The following AMOTL1 variants were observed in gnomAD, a reference collection of about 807,000 sequenced individuals.
The protein encoded by AMOTL1 is angiomotin like 1, also known as angiomotin-like protein 1.
Under a neutral mutation model 102.9 loss-of-function variants are expected in AMOTL1, and 45 were observed. That is an observed-to-expected ratio of 0.44 (90% confidence interval 0.34 to 0.56). The LOEUF is 0.56. Among genes scored for constraint, AMOTL1 ranks in the 20% least tolerant of loss-of-function variants. The pLI is 0.01. For missense variants in AMOTL1, 1,114 were observed against 1,225.6 expected (o/e 0.91, Z 1.36); for synonymous variants, 481 against 484.7 (o/e 0.99, Z 0.10).
chr11:94,813,175 A>G (rs565661550), intron 3 of AMOTL1, among the ~76,000 whole-genome samples: 8 of 152,182 alleles, frequency 5.3e-5, no homozygotes, highest in Non-Finnish European at 1.0e-4. Flanking sequence ...CTGAATGCCA[A>G]CTCCTAACAG....
At position 94,802,451 on chromosome 11, in the gene AMOTL1, C is replaced by T. The variant is rs187984357; in HGVS notation, c.1121+2140C>T. ...TATTTGTAAAGTAATATGTACATAC[C>T]GTGCAATGCATACAGTGGATCACTT... is the stretch of plus-strand genomic sequence containing the variant. On this transcript the variant is annotated intron_variant, in intron 3 of 12. Transcript: ENST00000433060. 4.1e-4 allele frequency among the ~76,000 whole-genome samples: 63 copies of T among 152,280 alleles called. 1 individual carries two copies. In the Middle Eastern group the frequency reaches 0.01, roughly 25 times the overall value.
At chr11:94,778,332 AC>A (rs920082501) in intron 1 of AMOTL1, among the ~76,000 whole-genome samples, 13 of 152,206 alleles carry the variant, frequency 8.5e-5, no homozygotes, top group African/African-American at 3.1e-4. Context: ...TGGGAAGAGG[AC>A]CCTAATAGGC....
chr11:94,843,497 A>C (rs777484859), intron 6 of AMOTL1, among the ~76,000 whole-genome samples: 6 of 152,168 alleles, frequency 3.9e-5, no homozygotes, highest in Non-Finnish European at 7.3e-5. Flanking sequence ...TTCCACTCCC[A>C]CAACCTCAGA....
intron 11 of AMOTL1, among the ~76,000 whole-genome samples, chr11:94,866,963 G>C (rs914425574): frequency 1.3e-5 from 2 of 152,154 alleles, no homozygotes; most frequent in Non-Finnish European, 2.9e-5. Flanking sequence ...AGGGGAAGCA[G>C]GCAGCGTGCT....
intron 3 of AMOTL1, among the ~76,000 whole-genome samples, chr11:94,759,709 A>G (rs1209117807): frequency 6.6e-6 from 1 of 152,150 alleles, no homozygotes; most frequent in Non-Finnish European, 1.5e-5. Flanking sequence ...TGGGTAACAC[A>G]TGGGTAATAA....
chr11:94,720,348 G>A (rs536179185), intron 1 of AMOTL1, among the ~76,000 whole-genome samples: 6 of 152,216 alleles, frequency 3.9e-5, no homozygotes, highest in East Asian at 1.9e-4. Flanking sequence ...CAGAAACAGC[G>A]AAACAGCTGC....
At chr11:94,839,718 A>AT (rs1952257967) in intron 6 of AMOTL1, among the ~76,000 whole-genome samples, 1 of 152,060 alleles carries the variant, frequency 6.6e-6, no homozygotes, top group Non-Finnish European at 1.5e-5. Context: ...CCTTTTTCTT[A>AT]TTTTTTGCTT....
Position 94,870,963 on chromosome 11 carries a change from AT to A in AMOTL1, c.*169del, listed in dbSNP as rs1364754607. ...TATAAATGTTAAACACAAAAACTACATGACTGAAGATAGAAGAGAATGCGAT... is the reference window on the plus strand; with the variant it reads ...TATAAATGTTAAACACAAAAACTACAGACTGAAGATAGAAGAGAATGCGAT... On this transcript the variant is annotated 3_prime_UTR_variant, in exon 13 of 13. Transcript: ENST00000433060. The A allele has an allele frequency of 2.3e-5, 12 of 526,640 alleles. No individual in the cohort carries two copies. Among genetic ancestry groups the A allele is most frequent in the Non-Finnish European group, 3.6e-5 (11 of 302,518 alleles). 32.6% of individuals were successfully genotyped at this position (526,640 alleles called of 1,614,324 possible).
intron 2 of AMOTL1, among the ~76,000 whole-genome samples, chr11:94,735,548 A>G (rs1359707631): frequency 1.3e-5 from 2 of 152,152 alleles, no homozygotes; most frequent in Non-Finnish European, 2.9e-5. Flanking sequence ...ACTTTTTAAT[A>G]TACTTTCTTG....
chr11:94,781,385 C>T (rs1324368517), intron 1 of AMOTL1, among the ~76,000 whole-genome samples: 1 of 152,216 alleles, frequency 6.6e-6, no homozygotes, highest in African/African-American at 2.4e-5. Flanking sequence ...AACTCATTCT[C>T]AGTTACAATT....
At chr11:94,738,244 G>A (rs191588641) in intron 2 of AMOTL1, among the ~76,000 whole-genome samples, 161 of 140,620 alleles carry the variant, frequency 1.1e-3, no homozygotes, top group African/African-American at 3.9e-3. Context: ...TAAGACCAGA[G>A]AGCATAATTT....
intron 1 of AMOTL1, among the ~76,000 whole-genome samples, chr11:94,712,727 A>G (rs1257285840): frequency 6.6e-6 from 1 of 151,970 alleles, no homozygotes; most frequent in Non-Finnish European, 1.5e-5. Flanking sequence ...TATATATTCT[A>G]GATATAAGTC....
At chr11:94,746,500 A>G (rs968168207) in intron 3 of AMOTL1, among the ~76,000 whole-genome samples, 9 of 152,168 alleles carry the variant, frequency 5.9e-5, no homozygotes, top group African/African-American at 2.2e-4. Flanking sequence ...TTCTAGTTGT[A>G]TGGAACTATG....
chr11:94,834,178 A>T (rs1190026914), intron 6 of AMOTL1, among the ~76,000 whole-genome samples: 1 of 152,202 alleles, frequency 6.6e-6, no homozygotes, highest in Non-Finnish European at 1.5e-5. Context: ...AGTAAATTTC[A>T]AACACCTAGT....
In AMOTL1 at chr11:94,816,612, AT is replaced by A. The variant is rs111596798; in HGVS notation, c.1122-4908del. 4.4e-3 allele frequency among the ~76,000 whole-genome samples: 668 copies of A among 150,820 alleles called. 5 individuals carry two copies. The highest frequency in any genetic ancestry group is 0.015 in the African/African-American group (607 of 41,160). On this transcript the variant is annotated intron_variant, in intron 3 of 12. Transcript: ENST00000433060. ...TTTGCTTAGAAAAAACTGAGATTAAATTTTTTTTTTAATTAAAGTTATCACA... is the reference window on the plus strand; with the variant it reads ...TTTGCTTAGAAAAAACTGAGATTAAATTTTTTTTTAATTAAAGTTATCACA...
In AMOTL1 at chr11:94,872,408, C is replaced by T. The variant is rs1199213726; in HGVS notation, c.*1613C>T. ...GAGGAAGAAAGAAAGGGGGGTACCTCTTCCAAGTACCTTCTAAATGAAACA... is the reference window on the plus strand; with the variant it reads ...GAGGAAGAAAGAAAGGGGGGTACCTTTTCCAAGTACCTTCTAAATGAAACA... On this transcript the variant is annotated 3_prime_UTR_variant, in exon 13 of 13. Transcript: ENST00000433060. 6.6e-6 allele frequency: 1 copy of T among 152,244 alleles called. No individual in the cohort carries two copies. The highest frequency in any genetic ancestry group is 1.5e-5 in the Non-Finnish European group (1 of 68,078). The allele number at this position is 152,244 out of a possible 1,614,324, so 9.4% of individuals were successfully genotyped here. A position where few individuals can be genotyped will look rare whatever the true frequency, so the allele number is the denominator to read the frequency against.
chr11:94,750,887 C>T (rs1950645343), intron 3 of AMOTL1, among the ~76,000 whole-genome samples: 1 of 152,158 alleles, frequency 6.6e-6, no homozygotes, highest in Non-Finnish European at 1.5e-5. Context: ...TTGTTGGGCA[C>T]ATTAGTTTAT....
intron 7 of AMOTL1, among the ~76,000 whole-genome samples, chr11:94,850,769 G>A (rs926670147): frequency 6.6e-6 from 1 of 152,188 alleles, no homozygotes; most frequent in African/African-American, 2.4e-5. Flanking sequence ...TGGTGGTGGC[G>A]GCAGGTGCCT....
intron 3 of AMOTL1, among the ~76,000 whole-genome samples, chr11:94,814,590 C>T (rs551772319): frequency 5.3e-5 from 8 of 152,086 alleles, no homozygotes; most frequent in Non-Finnish European, 1.0e-4. Flanking sequence ...AGCCTATCCT[C>T]GGCTTGCAAA....
Sources: gnomAD v4.1 joint callset for allele counts (sites outside exome capture counted in the v4.1 genomes callset) on GRCh38, gnomAD v4.1.1 for gene constraint, MANE v1.5 for transcripts, NCBI Gene and HGNC (gene_info 2026-07-23, HGNC 2026-07-21) for gene names.